Variants in FOLH1 observed in about 807,000 individuals in gnomAD.
FOLH1 encodes the protein folate hydrolase 1.
In FOLH1, 54 loss-of-function variants were observed where a neutral mutation model predicts 93.9. The ratio of observed to expected loss-of-function variants is 0.57; its 90% CI spans 0.46 to 0.72. The LOEUF is 0.72. FOLH1 is among the 30% of genes least tolerant of loss of function. The probability of loss-of-function intolerance (pLI) is 0.00; values close to 1 mark genes in which losing one functional copy is unlikely to be tolerated. For synonymous variants in FOLH1, 249 were observed against 303.6 expected (o/e 0.82, Z 1.87); for missense variants, 571 against 892.5 (o/e 0.64, Z 4.59).
intron 2 of FOLH1, among the ~76,000 whole-genome samples, chr11:49,201,898 T>C (rs1230628093): frequency 6.6e-6 from 1 of 152,230 alleles, no homozygotes; most frequent in African/African-American, 2.4e-5. Context: ...GCTTTGCTAC[T>C]ATTAAGTGAA....
At chr11:49,179,642 T>C (rs1045407487) in intron 7 of FOLH1, among the ~76,000 whole-genome samples, 1 of 152,134 alleles carries the variant, frequency 6.6e-6, no homozygotes, top group African/African-American at 2.4e-5. Context: ...TAAACACCTA[T>C]ATAGAAAGAA....
chr11:49,154,494 T>C lies in FOLH1; in HGVS notation c.1624-2A>G, dbSNP rs1186688438. 3.2e-6 allele frequency: 5 copies of C among 1,555,710 alleles called. No homozygotes were observed. The highest frequency in any genetic ancestry group is 1.3e-5 in the African/African-American group (1 of 74,180). Reference sequence around the variant, plus strand: ...ATAGCCGCTGAATTTGTTTGTTTCCTACAGAAAAAACAACAAAACATATCT... The same window carrying C: ...ATAGCCGCTGAATTTGTTTGTTTCCCACAGAAAAAACAACAAAACATATCT... On this transcript the variant is annotated splice_acceptor_variant, in intron 15 of 18. Transcript: ENST00000256999. LOFTEE classifies it high-confidence loss of function.
At chr11:49,195,619 A>C (rs1315012231) in intron 3 of FOLH1, among the ~76,000 whole-genome samples, 4 of 152,096 alleles carry the variant, frequency 2.6e-5, no homozygotes, top group Non-Finnish European at 4.4e-5. Context: ...GCCAAAGCCA[A>C]AGTTTATTCT....
Position 49,186,631 on chromosome 11 carries a change from A to T in FOLH1, c.639+13T>A. The T allele has an allele frequency of 6.2e-7, 1 of 1,608,898 alleles. No homozygotes were observed. The highest frequency in any genetic ancestry group is 8.5e-7 in the Non-Finnish European group (1 of 1,177,678). On this transcript the variant is annotated intron_variant, in intron 5 of 18. Coordinates refer to ENST00000256999, the MANE Select transcript of FOLH1 (RefSeq NM_004476.3). ...ATTGGGGGAGAGAAAAAAAGAGATAATTTTTACCTTACCTTATTTCCTCTG... is the reference window on the plus strand; with the variant it reads ...ATTGGGGGAGAGAAAAAAAGAGATATTTTTTACCTTACCTTATTTCCTCTG...
At chr11:49,178,910 C>T (rs1860407463) in intron 7 of FOLH1, among the ~76,000 whole-genome samples, 1 of 152,126 alleles carries the variant, frequency 6.6e-6, no homozygotes, top group Non-Finnish European at 1.5e-5. Flanking sequence ...GTTTAAGGCA[C>T]TGTGTTTTAT....
At chr11:49,192,019 A>G (rs957618110) in intron 4 of FOLH1, among the ~76,000 whole-genome samples, 4 of 152,170 alleles carry the variant, frequency 2.6e-5, no homozygotes, top group African/African-American at 7.2e-5. Flanking sequence ...GTGTTCTTCA[A>G]TTTCACACTT....
At chr11:49,172,983 G>T (rs2135087744) in intron 10 of FOLH1, among the ~76,000 whole-genome samples, 1 of 152,238 alleles carries the variant, frequency 6.6e-6, no homozygotes, top group East Asian at 1.9e-4. Flanking sequence ...TCTGAGGTCT[G>T]GGGTTAGAAG....
chr11:49,149,016 G>T (rs1004492567), intron 17 of FOLH1, among the ~76,000 whole-genome samples: 3 of 151,888 alleles, frequency 2.0e-5, no homozygotes, highest in Non-Finnish European at 2.9e-5. Flanking sequence ...GTGCCATGTT[G>T]GTGTGCTGCA....
intron 11 of FOLH1, among the ~76,000 whole-genome samples, chr11:49,170,380 C>T (rs1489233068): frequency 2.6e-5 from 4 of 152,030 alleles, no homozygotes; most frequent in Non-Finnish European, 5.9e-5. Context: ...TTTGGGAGGC[C>T]GAGGCAGGCA....
chr11:49,163,649 A>G (rs35746179), intron 13 of FOLH1, among the ~76,000 whole-genome samples: 84,203 of 150,956 alleles, frequency 0.56, 25,145 homozygotes, highest in Admixed American at 0.66. Context: ...CCTTGAATTC[A>G]GCCTCTTTTT....
At chr11:49,161,713 AGTATCACTG>A (rs2134979625) in intron 13 of FOLH1, among the ~76,000 whole-genome samples, 1 of 152,200 alleles carries the variant, frequency 6.6e-6, no homozygotes, top group South Asian at 2.1e-4. Flanking sequence ...ATTGCTTTAT[AGTATCACTG>A]GTCTGTGTAC....
chr11:49,176,520 CA>C (rs1284802379), intron 7 of FOLH1, among the ~76,000 whole-genome samples: 10 of 152,136 alleles, frequency 6.6e-5, no homozygotes, highest in African/African-American at 2.4e-4. Context: ...TATCTTTCAG[CA>C]GGTGACTGAG....
intron 17 of FOLH1, among the ~76,000 whole-genome samples, chr11:49,152,118 T>A (rs1176151544): frequency 2.0e-5 from 3 of 152,156 alleles, no homozygotes; most frequent in Non-Finnish European, 4.4e-5. Flanking sequence ...TTTCTAATAA[T>A]CCATTGTTAG....
Position 49,206,368 on chromosome 11 carries a change from C to T in FOLH1, c.119-196G>A. The T allele has an allele frequency of 3.1e-6, 3 of 953,696 alleles. No individual in the cohort carries two copies. In the South Asian group the frequency reaches 4.2e-5, roughly 13 times the overall value. 59.1% of individuals were successfully genotyped at this position (953,696 alleles called of 1,614,324 possible). ...GTCATGCAAACAGATTTTTAAGTTG[C>T]AAACCAATTGCAAAATATTTCTTAT... On this transcript the variant is annotated intron_variant, in intron 1 of 18. Transcript: ENST00000256999.
At chr11:49,175,310 G>A (rs1859874650) in intron 8 of FOLH1, among the ~76,000 whole-genome samples, 1 of 152,084 alleles carries the variant, frequency 6.6e-6, no homozygotes, top group Non-Finnish European at 1.5e-5. Context: ...GCAGGCAATA[G>A]TTTATAAATA....
At chr11:49,154,920 C>T (rs560973944) in intron 15 of FOLH1, among the ~76,000 whole-genome samples, 4 of 151,958 alleles carry the variant, frequency 2.6e-5, no homozygotes, top group East Asian at 3.9e-4. Context: ...CACTAAAATT[C>T]CATGGATAAA....
rs559509356 is a variant in FOLH1, at chr11:49,175,653, G to A, written c.1019+206C>T. On this transcript the variant is annotated intron_variant, in intron 8 of 18. Transcript: ENST00000256999. ...CCATACTTTGGGTTATTCATTTTCT[G>A]AGTTCCAGCAACACTCATAATTTTT... Among the ~76,000 whole-genome samples the A allele has an allele frequency of 8.4e-4, 128 of 152,208 alleles. 2 individuals carry two copies. The highest frequency in any genetic ancestry group is 3.4e-3 in the Middle Eastern group (1 of 292).
rs1394404243 is a variant in FOLH1, at chr11:49,192,914, T to C, written c.412-20A>G. On this transcript the variant is annotated intron_variant, in intron 3 of 18. Coordinates refer to ENST00000256999, the MANE Select transcript of FOLH1 (RefSeq NM_004476.3). ...GAAAATCTAGAGAAACAAAATATTA[T>C]AATCAAAATAAAACAGTTAAAGTTT... is the stretch of plus-strand genomic sequence containing the variant. The C allele has an allele frequency of 3.9e-6, 6 of 1,557,356 alleles. No homozygotes were observed. Among genetic ancestry groups the C allele is most frequent in the South Asian group, 1.2e-5 (1 of 82,606 alleles).
At chr11:49,205,128 T>C (rs1863753758) in intron 2 of FOLH1, among the ~76,000 whole-genome samples, 1 of 151,888 alleles carries the variant, frequency 6.6e-6, no homozygotes, top group Admixed American at 6.6e-5. Flanking sequence ...CGCTTGTACC[T>C]GGGAGGCGGA....
Sources: allele counts gnomAD v4.1 joint callset (sites outside exome capture counted in the v4.1 genomes callset), GRCh38; gene constraint gnomAD v4.1.1; transcripts MANE v1.5; gene names NCBI Gene and HGNC (gene_info 2026-07-23, HGNC 2026-07-21).